STK31: variants seen among roughly 807,000 people sequenced by gnomAD.
The protein encoded by STK31 is serine/threonine kinase 31.
Under a neutral mutation model 129.7 loss-of-function variants are expected in STK31, and 89 were observed. That is an observed-to-expected ratio of 0.69 (90% CI 0.58 to 0.82). The LOEUF (loss-of-function observed/expected upper bound fraction) is 0.82. STK31 is among the 40% of genes least tolerant of loss of function. STK31 has a pLI of 0.00. For synonymous variants in STK31, 448 were observed against 395.3 expected, an observed-to-expected ratio of 1.13 and a Z score of -1.58; for missense variants, 1,187 against 1,176.4, an observed-to-expected ratio of 1.01 and a Z score of -0.13.
chr7:23,758,597 G>A (rs1364753673), intron 10 of STK31, among the ~76,000 whole-genome samples: 4 of 152,212 alleles, frequency 2.6e-5, no homozygotes, highest in Admixed American at 1.3e-4. Flanking sequence ...GCTTTCTGAT[G>A]TGGGTATTTA....
intron 15 of STK31, among the ~76,000 whole-genome samples, chr7:23,772,981 G>A (rs56237352): frequency 0.11 from 17,327 of 152,068 alleles, 1,076 homozygotes; most frequent in Middle Eastern, 0.16. Flanking sequence ...GAACTTTCTA[G>A]TTTTATTCTA....
chr7:23,759,342 A>C (rs1426162913), intron 10 of STK31, among the ~76,000 whole-genome samples: 1 of 152,242 alleles, frequency 6.6e-6, no homozygotes, highest in Non-Finnish European at 1.5e-5. Context: ...TCTCAGTGCC[A>C]CATGGCACTT....
At chr7:23,746,291 C>T (rs1788349276) in intron 8 of STK31, among the ~76,000 whole-genome samples, 2 of 152,152 alleles carry the variant, frequency 1.3e-5, no homozygotes, top group Non-Finnish European at 2.9e-5. Flanking sequence ...GCTAGAATTG[C>T]AGGAGTTTGC....
At chr7:23,798,713 C>G (rs1337369096) in intron 22 of STK31, among the ~76,000 whole-genome samples, 1 of 152,162 alleles carries the variant, frequency 6.6e-6, no homozygotes, top group African/African-American at 2.4e-5. Flanking sequence ...CCTCTCTCAC[C>G]ACTCCTATTT....
intron 22 of STK31, among the ~76,000 whole-genome samples, chr7:23,795,672 C>T (rs1286225642): frequency 2.0e-5 from 3 of 152,212 alleles, no homozygotes; most frequent in African/African-American, 7.2e-5. Flanking sequence ...CTGTAGCCTG[C>T]AAAGCCACTG....
chr7:23,811,906 A>G (rs562154128), intron 22 of STK31, among the ~76,000 whole-genome samples: 2 of 152,068 alleles, frequency 1.3e-5, no homozygotes, highest in African/African-American at 4.8e-5. Flanking sequence ...TATTCTCCCC[A>G]CTTTTAAATA....
chr7:23,721,668 A>G, intron 4 of STK31: 4 of 811,294 alleles, frequency 4.9e-6, no homozygotes, highest in Non-Finnish European at 2.2e-6. Context: ...CTGACAGCAC[A>G]GGGAGGGAGT....
chr7:23,757,414 G>A (rs934477720), intron 10 of STK31, among the ~76,000 whole-genome samples: 21 of 152,082 alleles, frequency 1.4e-4, no homozygotes, highest in African/African-American at 2.2e-4. Flanking sequence ...CTACCATCTC[G>A]GAGAGGGGGA....
chr7:23,720,343 C>T (rs144518281), intron 4 of STK31, among the ~76,000 whole-genome samples: 1 of 152,236 alleles, frequency 6.6e-6, no homozygotes, highest in African/African-American at 2.4e-5. Flanking sequence ...GATAAATACT[C>T]AGATAAGTTG....
At chr7:23,799,159 C>T (rs1792206977) in intron 22 of STK31, among the ~76,000 whole-genome samples, 1 of 152,096 alleles carries the variant, frequency 6.6e-6, no homozygotes, top group African/African-American at 2.4e-5. Context: ...ATGAAAAGGG[C>T]CATACTACTC....
At chr7:23,801,160 T>A (rs1792343207) in intron 22 of STK31, among the ~76,000 whole-genome samples, 1 of 152,218 alleles carries the variant, frequency 6.6e-6, no homozygotes, top group Non-Finnish European at 1.5e-5. Flanking sequence ...CTGTACTGTT[T>A]TTGATTTTCA....
At chr7:23,758,655 T>C (rs1660253363) in intron 10 of STK31, among the ~76,000 whole-genome samples, 1 of 152,190 alleles carries the variant, frequency 6.6e-6, no homozygotes, top group East Asian at 1.9e-4. Context: ...GTCCTGGAGA[T>C]TCTGGTACAT....
intron 1 of STK31, chr7:23,710,666 A>T (rs1785896957): frequency 2.7e-6 from 3 of 1,131,458 alleles, no homozygotes; most frequent in Non-Finnish European, 3.3e-6. Context: ...AGCTACGTGT[A>T]CCCGTTTCTT....
chr7:23,783,354 A>G (rs113712859), intron 16 of STK31, among the ~76,000 whole-genome samples: 42 of 152,166 alleles, frequency 2.8e-4, no homozygotes, highest in Non-Finnish European at 4.4e-4. Context: ...CAAGGACTCA[A>G]ATATAGAAGT....
chr7:23,717,097 CTT>C (rs70956911), intron 3 of STK31, among the ~76,000 whole-genome samples: 208 of 42,920 alleles, frequency 4.8e-3, no homozygotes, highest in South Asian at 0.012. Context: ...TCGCAACCTG[CTT>C]TTTTTTTTTT....
At chr7:23,716,797 CTTTT>C (rs34047442) in intron 3 of STK31, among the ~76,000 whole-genome samples, 1 of 123,382 alleles carries the variant, frequency 8.1e-6, no homozygotes, top group Non-Finnish European at 1.6e-5. Context: ...TTTTTGAGCA[CTTTT>C]TTTTTTTTTT....
intron 4 of STK31, chr7:23,721,255 C>A: frequency 2.0e-6 from 1 of 501,590 alleles, no homozygotes; most frequent in Non-Finnish European, 3.6e-6. Context: ...ACAAACGCTA[C>A]ATTTTCAAGA....
chr7:23,825,118 G>A (rs1460725982), intron 23 of STK31, among the ~76,000 whole-genome samples: 3 of 152,234 alleles, frequency 2.0e-5, no homozygotes, highest in African/African-American at 7.2e-5. Flanking sequence ...CTCATAAAAT[G>A]AGTTAGGGAG....
chr7:23,750,142 A>G (rs1288983872), intron 8 of STK31, among the ~76,000 whole-genome samples: 1 of 139,712 alleles, frequency 7.2e-6, no homozygotes, highest in Non-Finnish European at 1.5e-5. Context: ...TACTGTGAGA[A>G]CCTGATCTAG....
Sources: gnomAD v4.1 joint callset for allele counts (sites outside exome capture counted in the v4.1 genomes callset) on GRCh38, gnomAD v4.1.1 for gene constraint, MANE v1.5 for transcripts, NCBI Gene and HGNC (gene_info 2026-07-23, HGNC 2026-07-21) for gene names.